The following ZBTB40 variants were observed in gnomAD, a reference collection of about 807,000 sequenced individuals.
The protein encoded by ZBTB40 is zinc finger and BTB domain-containing protein 40.
In ZBTB40, 60 loss-of-function variants were observed where a neutral mutation model predicts 117.5. The ratio of observed to expected loss-of-function variants is 0.51; its 90% CI spans 0.41 to 0.63. ZBTB40 has a LOEUF of 0.63. Among genes scored for constraint, ZBTB40 ranks in the 30% least tolerant of loss-of-function variants. ZBTB40 has a pLI of 0.00. For synonymous variants in ZBTB40, 525 were observed against 577.1 expected (o/e 0.91, Z 1.29); for missense variants, 1,287 against 1,498.5 (o/e 0.86, Z 2.33).
upstream of ZBTB40, among the ~76,000 whole-genome samples, chr1:22,449,630 C>T (rs754334507): frequency 2.0e-5 from 3 of 152,158 alleles, no homozygotes; most frequent in Admixed American, 2.0e-4. Flanking sequence ...AAAACAATCC[C>T]CCCAGGGAAA....
chr1:22,462,750 G>A (rs1048283040), intron 1 of ZBTB40, among the ~76,000 whole-genome samples: 2 of 152,176 alleles, frequency 1.3e-5, no homozygotes, highest in South Asian at 2.1e-4. Flanking sequence ...TAGCCCAGCC[G>A]TCTTGTTATG....
intron 1 of ZBTB40, among the ~76,000 whole-genome samples, chr1:22,488,964 G>A (rs1638548102): frequency 6.6e-6 from 1 of 152,084 alleles, no homozygotes; most frequent in African/African-American, 2.4e-5. Context: ...GAGCCAACAG[G>A]ATTTATAAAG....
intron 1 of ZBTB40, among the ~76,000 whole-genome samples, chr1:22,477,681 A>T (rs1025821476): frequency 2.6e-5 from 4 of 151,946 alleles, no homozygotes; most frequent in Non-Finnish European, 5.9e-5. Flanking sequence ...AAAGAAAGAA[A>T]GCTAATTAAG....
intron 8 of ZBTB40, 127 bp from the exon 9 acceptor site, chr1:22,508,973 A>G (rs1639153841): frequency 2.7e-6 from 4 of 1,479,218 alleles, no homozygotes; most frequent in Non-Finnish European, 3.8e-6. Context: ...CGTTTTCCCC[A>G]CTGCCAACCT....
At chr1:22,518,446 GTTA>G (rs1639433052) in intron 13 of ZBTB40, among the ~76,000 whole-genome samples, 1 of 152,190 alleles carries the variant, frequency 6.6e-6, no homozygotes, top group South Asian at 2.1e-4. Flanking sequence ...GCCAGATACT[GTTA>G]TTATTGGTGA....
At chr1:22,505,060 A>T (rs1048621229) in intron 5 of ZBTB40, among the ~76,000 whole-genome samples, 1 of 152,228 alleles carries the variant, frequency 6.6e-6, no homozygotes, top group East Asian at 1.9e-4. Context: ...CCTTTCATAT[A>T]TATAAAACCA....
intron 1 of ZBTB40, among the ~76,000 whole-genome samples, chr1:22,433,394 C>T (rs377123750): frequency 2.7e-5 from 3 of 113,136 alleles, no homozygotes; most frequent in East Asian, 2.9e-4. Context: ...TATCGCACCA[C>T]TGCACTCCAG....
In ZBTB40 at chr1:22,526,250, T is replaced by C. The variant is rs1235685938; in HGVS notation, c.3574T>C (p.Leu1192=). ...GGCCCCGACAGAGCAGGTGATCACT[T>C]TGGAGGAGACCCAGCTTGCCGGGTC... ...PVAPTEQVIT[L]EETQLAGSQV... Residue 1192 remains leucine (L), a synonymous_variant, in exon 18 of 18, where the codon TTG becomes CTG. Transcript: ENST00000375647. The C allele has an allele frequency of 6.2e-7, 1 of 1,614,110 alleles. No individual in the cohort carries two copies. The highest frequency in any genetic ancestry group is 2.2e-5 in the East Asian group (1 of 44,870).
upstream of ZBTB40, among the ~76,000 whole-genome samples, chr1:22,447,293 G>T (rs911004593): frequency 2.0e-5 from 3 of 152,162 alleles, no homozygotes; most frequent in African/African-American, 7.2e-5. Flanking sequence ...GATATGAAAA[G>T]TGGTTGCAGG....
intron 13 of ZBTB40, chr1:22,519,830 C>T (rs1020113786): frequency 3.3e-6 from 2 of 597,796 alleles, no homozygotes; most frequent in Non-Finnish European, 3.0e-6. Context: ...GCTGCAGAGA[C>T]AGTTAGTCTT....
intron 1 of ZBTB40, among the ~76,000 whole-genome samples, chr1:22,482,544 T>C (rs994001468): frequency 6.6e-6 from 1 of 152,198 alleles, no homozygotes; most frequent in Admixed American, 6.5e-5. Flanking sequence ...GTGTTGTGCA[T>C]TCTGTGGGTT....
At chr1:22,468,324 A>G (rs1641307484) in intron 1 of ZBTB40, among the ~76,000 whole-genome samples, 2 of 152,128 alleles carry the variant, frequency 1.3e-5, no homozygotes, top group African/African-American at 4.8e-5. Context: ...AAATACTGTC[A>G]CTGAAAAACT....
At chr1:22,491,645 A>AT in intron 3 of ZBTB40, 112 bp downstream of exon 3, 6 of 1,254,474 alleles carry the variant, frequency 4.8e-6, no homozygotes, top group African/African-American at 1.5e-5. Context: ...TTGAAACTTT[A>AT]ATTTTTTTTT....
At chr1:22,467,891 C>T (rs371017809) in intron 1 of ZBTB40, among the ~76,000 whole-genome samples, 12 of 150,602 alleles carry the variant, frequency 8.0e-5, no homozygotes, top group South Asian at 4.2e-4. Context: ...CCCAGGAGTT[C>T]GCGAGCAGCC....
chr1:22,522,979 A>C, intron 16 of ZBTB40, among the ~76,000 whole-genome samples: 1 of 108,014 alleles, frequency 9.3e-6, no homozygotes, highest in Non-Finnish European at 1.8e-5. Context: ...ATGGAGTCTC[A>C]CTCTGTCACC....
chr1:22,460,231 G>A (rs1641100323), intron 1 of ZBTB40, among the ~76,000 whole-genome samples: 1 of 152,152 alleles, frequency 6.6e-6, no homozygotes, highest in East Asian at 1.9e-4. Flanking sequence ...ATGAAGGTGG[G>A]TGAAAGAGTG....
intron 1 of ZBTB40, among the ~76,000 whole-genome samples, chr1:22,463,694 T>C (rs1641186802): frequency 6.6e-6 from 1 of 152,244 alleles, no homozygotes; most frequent in Non-Finnish European, 1.5e-5. Context: ...CAGCATGGCC[T>C]GGAAAGGCAC....
At chr1:22,448,812 CTTT>C, upstream of ZBTB40, among the ~76,000 whole-genome samples, 1 of 126,614 alleles carries the variant, frequency 7.9e-6, no homozygotes, top group Non-Finnish European at 1.8e-5. Flanking sequence ...TTCTTTTTTT[CTTT>C]TTAAATTTTT....
intron 3 of ZBTB40, among the ~76,000 whole-genome samples, chr1:22,493,328 T>A (rs760738729): frequency 4.6e-5 from 7 of 152,182 alleles, no homozygotes; most frequent in Non-Finnish European, 8.8e-5. Flanking sequence ...TCTGTTACAG[T>A]CCATAACCTT....
Sources: allele counts gnomAD v4.1 joint callset (sites outside exome capture counted in the v4.1 genomes callset), GRCh38; gene constraint gnomAD v4.1.1; transcripts MANE v1.5; gene names NCBI Gene and HGNC (gene_info 2026-07-23, HGNC 2026-07-21).